Variants in MSRA observed in about 807,000 individuals in gnomAD.
MSRA encodes the protein mitochondrial peptide methionine sulfoxide reductase.
In MSRA, 54 loss-of-function variants were observed where a neutral mutation model predicts 31.3. That is an observed-to-expected ratio of 1.73 (90% CI 1.39 to 2.17). The LOEUF (loss-of-function observed/expected upper bound fraction) is 2.17. MSRA is among the 30% of genes most tolerant of loss of function. The probability of loss-of-function intolerance (pLI) is 0.00; values close to 1 mark genes in which losing one functional copy is unlikely to be tolerated. For missense variants in MSRA, 507 were observed against 300.9 expected, an observed-to-expected ratio of 1.69 and a Z score of -5.07; for synonymous variants, 169 against 116.5, an observed-to-expected ratio of 1.45 and a Z score of -2.90.
chr8:10,356,729 A>C (rs1804530074), intron 5 of MSRA, among the ~76,000 whole-genome samples: 1 of 152,102 alleles, frequency 6.6e-6, no homozygotes, highest in Admixed American at 6.6e-5. Flanking sequence ...CTCACCAGAC[A>C]TAGAATCTAC....
intron 4 of MSRA, among the ~76,000 whole-genome samples, chr8:10,316,574 C>CTCTCTCT (rs1801738833): frequency 7.9e-6 from 1 of 126,978 alleles, no homozygotes; most frequent in Non-Finnish European, 1.7e-5. Context: ...CTCTCTCTCT[C>CTCTCTCT]CTTCCTCCTC....
In MSRA at chr8:10,412,966, C is replaced by G. The variant is rs1808243478; in HGVS notation, c.544-15182C>G. Among the ~76,000 whole-genome samples the G allele has an allele frequency of 2.0e-5, 3 of 152,350 alleles. No individual in the cohort carries two copies. In the South Asian group the frequency reaches 6.2e-4, roughly 32 times the overall value. ...CTTCCACCTACTGTGAGCCAGCAAT[C>G]CCAGTCCTAGATTTTTACCTACGAG... On this transcript the variant is annotated intron_variant, in intron 5 of 5. Coordinates refer to ENST00000317173, the MANE Select transcript of MSRA (RefSeq NM_012331.5).
At chr8:10,409,499 G>A (rs1201249148) in intron 5 of MSRA, among the ~76,000 whole-genome samples, 2 of 152,212 alleles carry the variant, frequency 1.3e-5, no homozygotes, top group African/African-American at 2.4e-5. Context: ...GAGTCAGACT[G>A]CCTGGGTTGA....
At chr8:10,301,687 G>C (rs753608886) in intron 4 of MSRA, 49 bp downstream of exon 4, 12 of 1,450,164 alleles carry the variant, frequency 8.3e-6, no homozygotes, top group Admixed American at 5.2e-5. Flanking sequence ...AATTACAGCT[G>C]GGATAATTAG....
chr8:10,403,812 C>G lies in MSRA; in HGVS notation c.544-24336C>G, dbSNP rs572783795. Among the ~76,000 whole-genome samples the G allele has an allele frequency of 7.9e-5, 12 of 152,312 alleles. No homozygotes were observed. The South Asian group carries it at 2.5e-3, about 32-fold the overall frequency. On this transcript the variant is annotated intron_variant, in intron 5 of 5. Coordinates refer to ENST00000317173, the MANE Select transcript of MSRA (RefSeq NM_012331.5). ...GGACGTGAGTCCTGGCTCTGCATGC[C>G]CAGGCCGTGTGTCCCTGCTGAGTTG...
chr8:10,420,017 A>G (rs550702042), intron 5 of MSRA, among the ~76,000 whole-genome samples: 6 of 152,328 alleles, frequency 3.9e-5, no homozygotes, highest in African/African-American at 1.2e-4. Context: ...TGTGCTTGTC[A>G]TGTTCCCAGA....
At chr8:10,239,958 C>A (rs1336790668) in intron 2 of MSRA, among the ~76,000 whole-genome samples, 1 of 152,158 alleles carries the variant, frequency 6.6e-6, no homozygotes, top group Non-Finnish European at 1.5e-5. Flanking sequence ...TATTCCAGTG[C>A]TTTTTCAGGA....
rs997383595 is a variant in MSRA, at chr8:10,204,238, A to G, written c.143-3595A>G. Among the ~76,000 whole-genome samples the G allele has an allele frequency of 2.6e-5, 4 of 152,226 alleles. No homozygotes were observed. In the East Asian group the frequency reaches 7.7e-4, roughly 29 times the overall value. On this transcript the variant is annotated intron_variant, in intron 1 of 5. Coordinates refer to ENST00000317173, the MANE Select transcript of MSRA (RefSeq NM_012331.5). ...TTACAGTAGCTGAGGTTAATTTAGT[A>G]TTGAAGAAAGAAAATTTAAAAAACA...
At chr8:10,351,641 A>G (rs939837058) in intron 5 of MSRA, among the ~76,000 whole-genome samples, 2 of 152,258 alleles carry the variant, frequency 1.3e-5, no homozygotes, top group African/African-American at 4.8e-5. Flanking sequence ...TTTGTAGGGC[A>G]GGATGGGAGA....
At chr8:10,095,764 A>G in intron 1 of MSRA, 4 of 1,158,904 alleles carry the variant, frequency 3.5e-6, no homozygotes, top group Non-Finnish European at 4.3e-6. Context: ...GGGCTATTTG[A>G]AAGTGTTGGT....
chr8:10,389,859 C>T (rs1430834210), intron 5 of MSRA, among the ~76,000 whole-genome samples: 1 of 143,016 alleles, frequency 7.0e-6, no homozygotes, highest in African/African-American at 2.6e-5. Context: ...CAACCACACA[C>T]TGTTGCCTGA....
chr8:10,321,016 C>T (rs146234544), intron 5 of MSRA, among the ~76,000 whole-genome samples: 10 of 152,172 alleles, frequency 6.6e-5, no homozygotes, highest in African/African-American at 9.6e-5. Flanking sequence ...GAGGGAGACA[C>T]GATTCAACCC....
intron 1 of MSRA, among the ~76,000 whole-genome samples, chr8:10,190,518 G>A (rs373805929): frequency 9.8e-5 from 15 of 152,288 alleles, no homozygotes; most frequent in African/African-American, 2.2e-4. Context: ...GGCCAAGCCC[G>A]CAAACTTCTC....
chr8:10,153,278 G>A (rs1041853017), intron 1 of MSRA, among the ~76,000 whole-genome samples: 2 of 152,184 alleles, frequency 1.3e-5, no homozygotes, highest in African/African-American at 4.8e-5. Context: ...GATGAGGCAT[G>A]AGGTGGGGAA....
chr8:10,308,329 G>A (rs908612531), intron 4 of MSRA, among the ~76,000 whole-genome samples: 9 of 152,172 alleles, frequency 5.9e-5, no homozygotes, highest in African/African-American at 1.9e-4. Flanking sequence ...AATCAAACCT[G>A]TTGTTAAGAG....
Position 10,255,807 on chromosome 8 carries a change from T to A in MSRA, c.331+10584T>A, listed in dbSNP as rs560622353. 4.6e-3 allele frequency among the ~76,000 whole-genome samples: 701 copies of A among 151,122 alleles called. 2 individuals carry two copies. The highest frequency in any genetic ancestry group is 0.015 in the African/African-American group (636 of 41,226). ...ATTGGGAGGCTGCTGGTTTTTTTTTTAAAAAACAAGTTTTAATTTTTTCAT... is the reference window on the plus strand; with the variant it reads ...ATTGGGAGGCTGCTGGTTTTTTTTTAAAAAAACAAGTTTTAATTTTTTCAT... On this transcript the variant is annotated intron_variant, in intron 3 of 5. Coordinates refer to ENST00000317173, the MANE Select transcript of MSRA (RefSeq NM_012331.5).
At chr8:10,079,604 T>C (rs1479644958) in intron 1 of MSRA, among the ~76,000 whole-genome samples, 1 of 152,184 alleles carries the variant, frequency 6.6e-6, no homozygotes, top group Admixed American at 6.5e-5. Context: ...TCATGAAGCT[T>C]TGGATCTCTT....
chr8:10,171,040 A>G (rs1422392003), intron 1 of MSRA, among the ~76,000 whole-genome samples: 1 of 152,190 alleles, frequency 6.6e-6, no homozygotes, highest in Non-Finnish European at 1.5e-5. Flanking sequence ...ACCATGAAGA[A>G]TGATGCCAGC....
intron 1 of MSRA, among the ~76,000 whole-genome samples, chr8:10,197,125 T>A (rs1808063566): frequency 6.6e-6 from 1 of 152,222 alleles, no homozygotes; most frequent in Non-Finnish European, 1.5e-5. Context: ...AACCTTATTT[T>A]CATTGTCATT....
Sources: allele counts gnomAD v4.1 joint callset (sites outside exome capture counted in the v4.1 genomes callset), GRCh38; gene constraint gnomAD v4.1.1; transcripts MANE v1.5; gene names NCBI Gene and HGNC (gene_info 2026-07-23, HGNC 2026-07-21).